The following ADAM22 variants were observed in gnomAD, a reference collection of about 807,000 sequenced individuals.
The protein encoded by ADAM22 is ADAM metallopeptidase domain 22.
ADAM22 carries 65 observed loss-of-function variants against 144.6 expected under a neutral mutation model. The ratio of observed to expected loss-of-function variants is 0.45; its 90% CI spans 0.37 to 0.55. The LOEUF is 0.55. Ranked by LOEUF, ADAM22 falls within the 20% of genes least tolerant of loss-of-function variation. The pLI is 0.00. For synonymous variants in ADAM22, 391 were observed against 412.6 expected (o/e 0.95, Z 0.63); for missense variants, 974 against 1,184.9 (o/e 0.82, Z 2.61).
chr7:88,117,693 ATTTTT>A (rs11290840), intron 7 of ADAM22, among the ~76,000 whole-genome samples: 1 of 134,928 alleles, frequency 7.4e-6, no homozygotes, highest in African/African-American at 2.7e-5. Context: ...CCTTATTTTA[ATTTTT>A]TTTTTTTTTT....
chr7:87,970,876 A>G (rs181405134), intron 2 of ADAM22, among the ~76,000 whole-genome samples: 1 of 152,298 alleles, frequency 6.6e-6, no homozygotes, highest in Non-Finnish European at 1.5e-5. Context: ...TTATGTAATT[A>G]TACTGATTTA....
chr7:87,977,717 G>C (rs905004072), intron 2 of ADAM22, among the ~76,000 whole-genome samples: 10 of 152,054 alleles, frequency 6.6e-5, no homozygotes, highest in Non-Finnish European at 1.3e-4. Flanking sequence ...GAGTTCCTAG[G>C]ATAGCATAGG....
intron 4 of ADAM22, among the ~76,000 whole-genome samples, chr7:88,086,046 T>A (rs1005941598): frequency 6.6e-6 from 1 of 152,046 alleles, no homozygotes; most frequent in Non-Finnish European, 1.5e-5. Context: ...CGTGGTGGCA[T>A]GCACCTGTAA....
intron 5 of ADAM22, among the ~76,000 whole-genome samples, chr7:88,112,599 A>G (rs1826336319): frequency 6.6e-6 from 1 of 152,230 alleles, no homozygotes; most frequent in Non-Finnish European, 1.5e-5. Context: ...AGCAGCAGCT[A>G]TCAGAATCTG....
intron 7 of ADAM22, 31 bp from the exon 8 acceptor site, chr7:88,125,558 C>G: frequency 6.6e-7 from 1 of 1,520,984 alleles, no homozygotes; most frequent in Non-Finnish European, 9.0e-7. Flanking sequence ...GACAAATGCA[C>G]TAAGTTAAAT....
intron 14 of ADAM22, among the ~76,000 whole-genome samples, chr7:88,140,155 T>C (rs1311828513): frequency 1.3e-5 from 2 of 152,110 alleles, no homozygotes; most frequent in African/African-American, 4.8e-5. Flanking sequence ...ACCAGCCATT[T>C]CCTCTTGGAG....
intron 4 of ADAM22, among the ~76,000 whole-genome samples, chr7:88,081,056 A>C (rs912177571): frequency 6.6e-6 from 1 of 152,250 alleles, no homozygotes; most frequent in African/African-American, 2.4e-5. Context: ...ATTTTAGATC[A>C]ATAACCTTGA....
intron 4 of ADAM22, among the ~76,000 whole-genome samples, chr7:88,102,088 A>G (rs1823091882): frequency 6.6e-6 from 1 of 152,224 alleles, no homozygotes; most frequent in South Asian, 2.1e-4. Flanking sequence ...TACTCACCTC[A>G]TCAGTCATCA....
chr7:88,060,538 A>T (rs1173446523), intron 3 of ADAM22, among the ~76,000 whole-genome samples: 1 of 152,008 alleles, frequency 6.6e-6, no homozygotes, highest in Admixed American at 6.5e-5. Flanking sequence ...TGGGAGGCCG[A>T]GGTGGGTGGA....
intron 30 of ADAM22, among the ~76,000 whole-genome samples, chr7:88,189,850 G>A (rs536222083): frequency 3.5e-4 from 53 of 152,052 alleles, no homozygotes; most frequent in South Asian, 2.9e-3. Context: ...AGGCTGAGGC[G>A]GGAGAATCGC....
intron 26 of ADAM22, among the ~76,000 whole-genome samples, chr7:88,172,256 G>T (rs73395800): frequency 0.012 from 1,792 of 151,948 alleles, 27 homozygotes; most frequent in African/African-American, 0.04. Context: ...TATAACAATT[G>T]CCTATTTTAT....
In ADAM22 at chr7:88,132,942, C is replaced by T. The variant is rs770231524; in HGVS notation, c.1068C>T (p.Gly356=). 1.9e-5 allele frequency: 30 copies of T among 1,613,526 alleles called. No homozygotes were observed. The highest frequency in any genetic ancestry group is 4.5e-5 in the East Asian group (2 of 44,882). Residue 356 remains glycine (G), a synonymous_variant, in exon 12 of 32, where the codon GGC becomes GGT. Transcript: ENST00000413139. ...TTTGCTCGTTGCTGAAAGGAGGAGG[C>T]GTGAATGAAGTAGGTGTGAACATCT... The part of the protein sequence containing the change: ...GGICSLLKGG[G]VNEFGKTDLM...
chr7:88,034,540 C>T (rs1287313924), intron 3 of ADAM22, among the ~76,000 whole-genome samples: 6 of 152,152 alleles, frequency 3.9e-5, no homozygotes, highest in African/African-American at 1.4e-4. Flanking sequence ...CCTTAGATAC[C>T]TCAGCTCGTG....
chr7:88,093,052 T>A (rs1013430231), intron 4 of ADAM22, among the ~76,000 whole-genome samples: 2 of 152,184 alleles, frequency 1.3e-5, no homozygotes, highest in Non-Finnish European at 2.9e-5. Flanking sequence ...TAAGTTTTTT[T>A]AAAAATCAAA....
intron 7 of ADAM22, among the ~76,000 whole-genome samples, chr7:88,120,524 C>G (rs1829026936): frequency 6.6e-6 from 1 of 152,164 alleles, no homozygotes; most frequent in Non-Finnish European, 1.5e-5. Flanking sequence ...TTAATTTTAG[C>G]TATTCTAGTG....
At chr7:88,143,210 C>G in intron 15 of ADAM22, 85 bp downstream of exon 15, 9 of 947,898 alleles carry the variant, frequency 9.5e-6, no homozygotes, top group Non-Finnish European at 1.4e-5. Flanking sequence ...GCTATTGAAT[C>G]TTAGAGAGCT....
chr7:87,948,609 C>T (rs1844278686), intron 2 of ADAM22, among the ~76,000 whole-genome samples: 1 of 152,172 alleles, frequency 6.6e-6, no homozygotes, highest in African/African-American at 2.4e-5. Flanking sequence ...AAGTCTTTGA[C>T]AGTAATCCAT....
chr7:88,176,001 T>C (rs1845556764), intron 26 of ADAM22, among the ~76,000 whole-genome samples: 1 of 152,050 alleles, frequency 6.6e-6, no homozygotes, highest in Admixed American at 6.5e-5. Context: ...GAGATGGAGT[T>C]TCGCTCTGTC....
chr7:88,077,988 G>T (rs1815154137), intron 4 of ADAM22, among the ~76,000 whole-genome samples: 1 of 152,230 alleles, frequency 6.6e-6, no homozygotes, highest in Non-Finnish European at 1.5e-5. Context: ...CAGCTTTGAA[G>T]ACAGTAGTGG....
Sources: allele counts gnomAD v4.1 joint callset (sites outside exome capture counted in the v4.1 genomes callset), GRCh38; gene constraint gnomAD v4.1.1; transcripts MANE v1.5; gene names NCBI Gene and HGNC (gene_info 2026-07-23, HGNC 2026-07-21).